The following PTPRN2 variants were observed in gnomAD, a reference collection of about 807,000 sequenced individuals.
PTPRN2 encodes protein tyrosine phosphatase receptor type N2.
A neutral mutation model predicts 118.8 loss-of-function variants in PTPRN2; 74 were observed. The observed-to-expected ratio is 0.62, with a 90% CI of 0.52 to 0.76. The LOEUF (loss-of-function observed/expected upper bound fraction) is 0.76. PTPRN2 is among the 30% of genes least tolerant of loss of function. The probability of loss-of-function intolerance (pLI) is 0.00; values close to 1 mark genes in which losing one functional copy is unlikely to be tolerated. For missense variants in PTPRN2, 1,481 were observed against 1,394.4 expected (o/e 1.06, Z -0.99); for synonymous variants, 641 against 608.0 (o/e 1.05, Z -0.80).
chr7:158,029,594 T>C (rs73171509), intron 11 of PTPRN2: 11,053 of 129,330 alleles, frequency 0.085, 429 homozygotes, highest in African/African-American at 0.12. Flanking sequence ...ACACAGCAAA[T>C]ACAGCAAGCA....
intron 12 of PTPRN2, among the ~76,000 whole-genome samples, chr7:157,761,259 C>T (rs531713763): frequency 1.3e-5 from 2 of 152,154 alleles, no homozygotes; most frequent in East Asian, 1.9e-4. Context: ...CTTTAAAGTT[C>T]ATATGGAATC....
At chr7:158,077,504 GC>G (rs112968821) in intron 11 of PTPRN2, among the ~76,000 whole-genome samples, 4 of 146,678 alleles carry the variant, frequency 2.7e-5, no homozygotes, top group South Asian at 2.2e-4. Flanking sequence ...CAGGACAGGA[GC>G]CCCCCATGAG....
intron 16 of PTPRN2, among the ~76,000 whole-genome samples, chr7:157,600,599 G>A (rs1181449201): frequency 1.3e-5 from 2 of 152,152 alleles, no homozygotes; most frequent in Non-Finnish European, 2.9e-5. Flanking sequence ...AGTAGAGATG[G>A]GGTTTCACCA....
At chr7:157,949,172 A>C (rs1319842183) in intron 11 of PTPRN2, among the ~76,000 whole-genome samples, 1 of 152,318 alleles carries the variant, frequency 6.6e-6, no homozygotes, top group Middle Eastern at 3.4e-3. Flanking sequence ...ATGTAAGATA[A>C]GGGATATATG....
intron 2 of PTPRN2, among the ~76,000 whole-genome samples, chr7:158,450,370 C>A (rs1818013561): frequency 6.6e-6 from 1 of 152,266 alleles, no homozygotes; most frequent in South Asian, 2.1e-4. Context: ...GACACATACA[C>A]ACACACTGGT....
intron 6 of PTPRN2, among the ~76,000 whole-genome samples, chr7:158,143,258 C>A (rs887355331): frequency 6.6e-6 from 1 of 152,208 alleles, no homozygotes; most frequent in Non-Finnish European, 1.5e-5. Context: ...AGGCAAGAGC[C>A]TGAGTTCTGA....
intron 13 of PTPRN2, 118 bp from the exon 14 acceptor site, chr7:157,656,669 C>G (rs1012640808): frequency 6.3e-6 from 7 of 1,108,884 alleles, no homozygotes; most frequent in African/African-American, 1.6e-5. Flanking sequence ...AAGGTTCAGG[C>G]AGGCGAGAGT....
At chr7:157,888,673 G>A (rs1162781946) in intron 12 of PTPRN2, among the ~76,000 whole-genome samples, 1 of 151,804 alleles carries the variant, frequency 6.6e-6, no homozygotes, top group South Asian at 2.1e-4. Flanking sequence ...ATGCCACGCA[G>A]AATCTTCACG....
chr7:158,562,689 G>C (rs2129451002), intron 1 of PTPRN2, among the ~76,000 whole-genome samples: 1 of 152,178 alleles, frequency 6.6e-6, no homozygotes, highest in East Asian at 1.9e-4. Flanking sequence ...CTGTGTGCTT[G>C]CTTGGGAGCC....
chr7:158,345,892 A>G (rs1322629623), intron 2 of PTPRN2, among the ~76,000 whole-genome samples: 1 of 152,090 alleles, frequency 6.6e-6, no homozygotes, highest in Non-Finnish European at 1.5e-5. Context: ...GGGGAGTGCT[A>G]CACTTTTAAA....
intron 12 of PTPRN2, among the ~76,000 whole-genome samples, chr7:157,757,929 G>A (rs1801894470): frequency 6.6e-6 from 1 of 152,190 alleles, no homozygotes; most frequent in Non-Finnish European, 1.5e-5. Flanking sequence ...TCTCCCGCAG[G>A]GCCCTGAAGC....
intron 1 of PTPRN2, among the ~76,000 whole-genome samples, chr7:158,522,857 T>C (rs141813281): frequency 1.3e-5 from 2 of 152,260 alleles, no homozygotes; most frequent in Non-Finnish European, 1.5e-5. Flanking sequence ...TTCCACACAC[T>C]TGCTTCTGTG....
chr7:157,932,124 G>A (rs887115549), intron 11 of PTPRN2, among the ~76,000 whole-genome samples: 2 of 152,132 alleles, frequency 1.3e-5, no homozygotes, highest in Non-Finnish European at 2.9e-5. Context: ...TGAACTATTT[G>A]AGAGAAACTT....
chr7:158,230,863 T>C (rs1203817346), intron 3 of PTPRN2, among the ~76,000 whole-genome samples: 1 of 152,150 alleles, frequency 6.6e-6, no homozygotes, highest in Non-Finnish European at 1.5e-5. Flanking sequence ...AATTCTCCAA[T>C]TAAAAGATAT....
At chr7:157,748,491 CGG>C (rs1801186557) in intron 12 of PTPRN2, among the ~76,000 whole-genome samples, 28 of 62,408 alleles carry the variant, frequency 4.5e-4, no homozygotes, top group South Asian at 2.5e-3. Flanking sequence ...CCCTGAGCTG[CGG>C]AGTGTCTGGG....
chr7:158,103,379 A>G (rs1352498369), intron 10 of PTPRN2, among the ~76,000 whole-genome samples: 1 of 152,222 alleles, frequency 6.6e-6, no homozygotes, highest in Admixed American at 6.5e-5. Flanking sequence ...AAGCCTTAAA[A>G]TAACAGCAGT....
At chr7:158,085,126 C>T (rs1813208767) in intron 10 of PTPRN2, among the ~76,000 whole-genome samples, 1 of 142,336 alleles carries the variant, frequency 7.0e-6, no homozygotes, top group Non-Finnish European at 1.5e-5. Flanking sequence ...TGACGCCCAT[C>T]CACACCCACC....
chr7:157,831,711 G>A lies in PTPRN2; in HGVS notation c.1788+66962C>T, dbSNP rs1807582356. Among the ~76,000 whole-genome samples, 2 of 152,314 alleles carry A rather than the reference G, an allele frequency of 1.3e-5. No homozygotes were observed. Among genetic ancestry groups the A allele is most frequent in the South Asian group, 2.1e-4 (1 of 4,824 alleles). On this transcript the variant is annotated intron_variant, in intron 12 of 22. Transcript: ENST00000389418. The surrounding 1 kb of genome is among the most constrained non-coding windows in gnomAD (Gnocchi z 4.8). ...TCTACTTCGGGCCTGCGAGAAGCAGGGAAGGTATAGGCTGCCGTCTCCCTC... is the reference window on the plus strand; with the variant it reads ...TCTACTTCGGGCCTGCGAGAAGCAGAGAAGGTATAGGCTGCCGTCTCCCTC...
chr7:158,052,246 G>C (rs1809381837), intron 11 of PTPRN2, among the ~76,000 whole-genome samples: 1 of 152,238 alleles, frequency 6.6e-6, no homozygotes, highest in Non-Finnish European at 1.5e-5. Flanking sequence ...TCCATCATAA[G>C]TGATCGCCTT....
Sources: allele counts gnomAD v4.1 joint callset (sites outside exome capture counted in the v4.1 genomes callset), GRCh38; gene constraint gnomAD v4.1.1; non-coding constraint Gnocchi (gnomAD v3.1); transcripts MANE v1.5; gene names NCBI Gene and HGNC (gene_info 2026-07-23, HGNC 2026-07-21).